The following IQCM variants were observed in gnomAD, a reference collection of about 807,000 sequenced individuals.
The protein encoded by IQCM is IQ domain-containing protein M.
A neutral mutation model predicts 57.6 loss-of-function variants in IQCM; 45 were observed. The ratio of observed to expected loss-of-function variants is 0.78; its 90% confidence interval spans 0.62 to 1.00. The LOEUF (loss-of-function observed/expected upper bound fraction) is 1.00, where lower values mean the gene tolerates loss of function less well. IQCM is among the 50% of genes least tolerant of loss of function. The probability of loss-of-function intolerance (pLI) is 0.00; values close to 1 mark genes in which losing one functional copy is unlikely to be tolerated. For synonymous variants in IQCM, 148 were observed against 158.9 expected (o/e 0.93, Z 0.51); for missense variants, 468 against 511.6 (o/e 0.91, Z 0.82).
intron 12 of IQCM, among the ~76,000 whole-genome samples, chr4:149,504,129 T>C (rs1743539854): frequency 6.6e-6 from 1 of 152,242 alleles, no homozygotes; most frequent in East Asian, 1.9e-4. Context: ...TTAAAAAGCA[T>C]GATACTACCC....
intron 13 of IQCM, among the ~76,000 whole-genome samples, chr4:149,377,751 A>G (rs986107572): frequency 6.6e-6 from 1 of 152,172 alleles, no homozygotes; most frequent in Non-Finnish European, 1.5e-5. Context: ...CCAATTTTGC[A>G]TTCAGAGACA....
intron 6 of IQCM, among the ~76,000 whole-genome samples, chr4:149,683,787 A>G (rs1762365078): frequency 6.6e-6 from 1 of 151,406 alleles, no homozygotes; most frequent in South Asian, 2.1e-4. Flanking sequence ...TAGACCATTC[A>G]ACCACTGAAG....
chr4:149,525,634 G>A (rs1746085169), intron 12 of IQCM, among the ~76,000 whole-genome samples: 2 of 151,932 alleles, frequency 1.3e-5, no homozygotes, highest in Admixed American at 1.3e-4. Flanking sequence ...AGTTCCAGAT[G>A]TATTAAAGGT....
At chr4:149,641,047 T>C (rs1190557087) in intron 7 of IQCM, among the ~76,000 whole-genome samples, 1 of 152,140 alleles carries the variant, frequency 6.6e-6, no homozygotes, top group Non-Finnish European at 1.5e-5. Flanking sequence ...GGAGAATCAC[T>C]TGAACCAAGG....
intron 12 of IQCM, among the ~76,000 whole-genome samples, chr4:149,463,018 C>A (rs1286962915): frequency 6.6e-6 from 1 of 152,174 alleles, no homozygotes; most frequent in Admixed American, 6.5e-5. Flanking sequence ...GGAATTATTG[C>A]ATTGAAAAGA....
rs1020334884 is a variant in IQCM, at chr4:149,499,408, A to C, written c.1228+49047T>G. 3.9e-5 allele frequency among the ~76,000 whole-genome samples: 6 copies of C among 152,166 alleles called. No homozygotes were observed. In the East Asian group the frequency reaches 1.2e-3, roughly 29 times the overall value. On this transcript the variant is annotated intron_variant, in intron 12 of 13. Transcript: ENST00000636793. ...TACTTTTTTCATTAAAATATTAGGA[A>C]AAAAATAATTTGCCTTAGTAAAGGA...
At chr4:149,499,822 A>G (rs776857458) in intron 12 of IQCM, among the ~76,000 whole-genome samples, 15 of 152,218 alleles carry the variant, frequency 9.9e-5, no homozygotes, top group Non-Finnish European at 2.2e-4. Context: ...TAGTAGACAG[A>G]AAGTCAGTTG....
rs1430257034 is a variant in IQCM, at chr4:149,480,949, T to A, written c.1229-47392A>T. ...TGCCTGTCTTTGGATATAAGCCATT[T>A]TAATTGGGGTGAGACGATATCTCAT... On this transcript the variant is annotated intron_variant, in intron 12 of 13. Coordinates refer to ENST00000636793, the MANE Select transcript of IQCM (RefSeq NM_001363507.2). Among the ~76,000 whole-genome samples the A allele has an allele frequency of 2.6e-5, 4 of 152,148 alleles. No homozygotes were observed. In the South Asian group the frequency reaches 8.3e-4, roughly 31 times the overall value.
At chr4:149,730,050 T>C (rs2149880054) in intron 5 of IQCM, among the ~76,000 whole-genome samples, 1 of 152,314 alleles carries the variant, frequency 6.6e-6, no homozygotes, top group Non-Finnish European at 1.5e-5. Flanking sequence ...CAAAGCTCAG[T>C]AGGTACATGG....
chr4:149,406,942 C>T (rs1285664094), intron 13 of IQCM, among the ~76,000 whole-genome samples: 6 of 149,054 alleles, frequency 4.0e-5, no homozygotes, highest in Non-Finnish European at 8.9e-5. Flanking sequence ...GCGAAAGGCA[C>T]GTTTTACATG....
intron 12 of IQCM, among the ~76,000 whole-genome samples, chr4:149,477,854 A>G (rs1740366822): frequency 6.6e-6 from 1 of 152,226 alleles, no homozygotes; most frequent in Non-Finnish European, 1.5e-5. Context: ...AGTGAATGGT[A>G]TGGTCAAATG....
At chr4:149,729,449 T>C (rs1206842967) in intron 5 of IQCM, among the ~76,000 whole-genome samples, 2 of 138,316 alleles carry the variant, frequency 1.4e-5, no homozygotes, top group African/African-American at 2.9e-5. Flanking sequence ...ACACTCAAAG[T>C]CTTTTTTTGT....
intron 12 of IQCM, among the ~76,000 whole-genome samples, chr4:149,513,140 A>G (rs1324214806): frequency 6.6e-6 from 1 of 152,174 alleles, no homozygotes; most frequent in African/African-American, 2.4e-5. Context: ...TGAAAAATTT[A>G]CCATTTCCCA....
rs532505579 is a variant in IQCM, at chr4:149,687,266, G to A, written c.386-798C>T. On this transcript the variant is annotated intron_variant, in intron 5 of 13. Transcript: ENST00000636793. ...TATGTAACGTATATTCAAAATGTAC[G>A]TTCAGAGAACATAACATTTTTGTAG... Among the ~76,000 whole-genome samples the A allele has an allele frequency of 1.4e-4, 21 of 151,554 alleles. No homozygotes were observed. The East Asian group carries it at 2.7e-3, about 20-fold the overall frequency.
At position 149,549,542 on chromosome 4, in the gene IQCM, C is replaced by T. The variant is rs1311815528; in HGVS notation, c.1094-953G>A. Among the ~76,000 whole-genome samples, 4 of 152,062 alleles carry T rather than the reference C, an allele frequency of 2.6e-5. No individual in the cohort carries two copies. In the South Asian group the frequency reaches 6.2e-4, roughly 24 times the overall value. On this transcript the variant is annotated intron_variant, in intron 11 of 13. Transcript: ENST00000636793. ...CAAAAAAAAAGAAAATTGATGCATA[C>T]ATTTTATAAGTATAGTTTTCCATAA...
chr4:149,677,124 A>C lies in IQCM; in HGVS notation c.565+4994T>G, dbSNP rs540370958. Among the ~76,000 whole-genome samples, 3 of 152,212 alleles carry C rather than the reference A, an allele frequency of 2.0e-5. No homozygotes were observed. The East Asian group carries it at 5.8e-4, about 29-fold the overall frequency. Reference sequence around the variant, plus strand: ...CACTGGAAAAGTGAGATCAAAGTGAACGAAGAGCTTATTCACCATCTTGGG... The same window carrying C: ...CACTGGAAAAGTGAGATCAAAGTGACCGAAGAGCTTATTCACCATCTTGGG... On this transcript the variant is annotated intron_variant, in intron 7 of 13. Coordinates refer to ENST00000636793, the MANE Select transcript of IQCM (RefSeq NM_001363507.2).
At chr4:149,730,099 T>C (rs1766322683) in intron 5 of IQCM, among the ~76,000 whole-genome samples, 1 of 152,210 alleles carries the variant, frequency 6.6e-6, no homozygotes, top group South Asian at 2.1e-4. Context: ...GTTTTTACCA[T>C]TATATAAGAT....
intron 13 of IQCM, among the ~76,000 whole-genome samples, chr4:149,384,465 T>C (rs1468108256): frequency 2.0e-5 from 3 of 152,174 alleles, no homozygotes; most frequent in Non-Finnish European, 2.9e-5. Flanking sequence ...CTCTTGTCAC[T>C]GGAGAGTAGT....
At chr4:149,485,260 G>A (rs1370330814) in intron 12 of IQCM, among the ~76,000 whole-genome samples, 1 of 151,682 alleles carries the variant, frequency 6.6e-6, no homozygotes, top group Non-Finnish European at 1.5e-5. Context: ...CTCTAGGTTT[G>A]GGAAGTTCTC....
Sources: gnomAD v4.1 joint callset for allele counts (sites outside exome capture counted in the v4.1 genomes callset) on GRCh38, gnomAD v4.1.1 for gene constraint, MANE v1.5 for transcripts, NCBI Gene and HGNC (gene_info 2026-07-23, HGNC 2026-07-21) for gene names.